DCLRE1A: variants seen among roughly 807,000 people sequenced by gnomAD.
DCLRE1A encodes DNA cross-link repair 1A protein.
A neutral mutation model predicts 91.9 loss-of-function variants in DCLRE1A; 64 were observed. The observed-to-expected ratio is 0.70, with a 90% CI of 0.57 to 0.86. The LOEUF (loss-of-function observed/expected upper bound fraction) is 0.86. DCLRE1A is among the 40% of genes least tolerant of loss of function. The pLI, the probability that DCLRE1A is intolerant of heterozygous loss-of-function variation, is 0.00. For missense variants in DCLRE1A, 1,145 were observed against 1,213.3 expected, an observed-to-expected ratio of 0.94 and a Z score of 0.84; for synonymous variants, 416 against 431.1, an observed-to-expected ratio of 0.96 and a Z score of 0.43.
At position 113,852,806 on chromosome 10, in the gene DCLRE1A, T is replaced by G. The variant is rs1287154673; in HGVS notation, c.377A>C (p.Gln126Pro). Residue 126 changes from glutamine (Q) to proline (P), a missense_variant, in exon 1 of 9, where the codon CAG (glutamine) becomes CCG (proline). Coordinates refer to ENST00000361384, the MANE Select transcript of DCLRE1A (RefSeq NM_014881.5). ...PVYDGYCPNC[Q>P]MPFSSLIGQT... ...CCCTATCAATGAGGAAAAAGGCATC[T>G]GGCAATTTGGACAGTATCCATCATA... The G allele has an allele frequency of 6.2e-7, 1 of 1,614,228 alleles. No individual in the cohort carries two copies. Among genetic ancestry groups the G allele is most frequent in the East Asian group, 2.2e-5 (1 of 44,886 alleles).
chr10:113,844,042 A>G, intron 5 of DCLRE1A, 62 bp downstream of exon 5: 4 of 1,596,524 alleles, frequency 2.5e-6, no homozygotes, highest in South Asian at 1.1e-5. Flanking sequence ...TTTGATAACC[A>G]TAATACAGAG....
rs188850383 is a variant in DCLRE1A, at chr10:113,840,391, A to G, written c.2820+1015T>C. On this transcript the variant is annotated intron_variant, in intron 7 of 8. Coordinates refer to ENST00000361384, the MANE Select transcript of DCLRE1A (RefSeq NM_014881.5). The stretch of plus-strand genomic sequence containing the variant: ...GGATTTGTAAATATATGCTGTCTAC[A>G]AGAAGGCCATATGCATCAGAACGCA... Among the ~76,000 whole-genome samples, 689 of 152,304 alleles carry G rather than the reference A, an allele frequency of 4.5e-3. 3 individuals are homozygous for G. Among genetic ancestry groups the G allele is most frequent in the African/African-American group, 0.015 (638 of 41,560 alleles).
At position 113,849,061 on chromosome 10, in the gene DCLRE1A, T is replaced by C; in HGVS notation, c.2044A>G (p.Arg682Gly). Reference protein sequence around the residue: ...FTKSAHGGLQRGNKKIPESSN... With the variant: ...FTKSAHGGLQGGNKKIPESSN... The stretch of plus-strand genomic sequence containing the variant: ...GACTCTGGGATTTTCTTGTTGCCCC[T>C]TTGCAGCCCACCATGAGCTGATTTT... Residue 682 changes from arginine to glycine, a missense_variant, in exon 2 of 9, where the codon AGG becomes GGG. Coordinates refer to ENST00000361384, the MANE Select transcript of DCLRE1A (RefSeq NM_014881.5). 6.2e-7 allele frequency: 1 copy of C among 1,614,188 alleles called. No individual in the cohort carries two copies. The highest frequency in any genetic ancestry group is 8.5e-7 in the Non-Finnish European group (1 of 1,180,020).
intron 7 of DCLRE1A, among the ~76,000 whole-genome samples, chr10:113,837,503 AAAAAC>A (rs906089598): frequency 6.6e-6 from 1 of 152,218 alleles, no homozygotes; most frequent in African/African-American, 2.4e-5. Flanking sequence ...TACCAAAAAC[AAAAAC>A]AAAACTACTC....
intron 7 of DCLRE1A, 95 bp from the exon 8 acceptor site, chr10:113,837,298 G>GC: frequency 8.3e-7 from 1 of 1,202,706 alleles, no homozygotes; most frequent in South Asian, 2.4e-5. Flanking sequence ...CAGGCATGGG[G>GC]AGTTTTCATT....
At chr10:113,852,039 A>G (rs1055958628) in intron 1 of DCLRE1A, among the ~76,000 whole-genome samples, 2 of 151,452 alleles carry the variant, frequency 1.3e-5, no homozygotes, top group African/African-American at 4.9e-5. Context: ...GGAGTTCCAT[A>G]ATAACCACCA....
Position 113,851,948 on chromosome 10 carries a change from G to A in DCLRE1A, c.460+775C>T, listed in dbSNP as rs563574649. ...GCTGGTCTTGAATTCCTAGGCTCAAGTGATCCGCCTGCCTCCACCTCCCAA... is the reference window on the plus strand; with the variant it reads ...GCTGGTCTTGAATTCCTAGGCTCAAATGATCCGCCTGCCTCCACCTCCCAA... On this transcript the variant is annotated intron_variant, in intron 1 of 8. Transcript: ENST00000361384. 3.9e-5 allele frequency among the ~76,000 whole-genome samples: 6 copies of A among 152,250 alleles called. No homozygotes were observed. In the East Asian group the frequency reaches 1.2e-3, roughly 30 times the overall value.
rs146464533 is a variant in DCLRE1A, at chr10:113,839,497, G to A, written c.2820+1909C>T. 3.3e-5 allele frequency among the ~76,000 whole-genome samples: 5 copies of A among 151,974 alleles called. No individual in the cohort carries two copies. The East Asian group carries it at 9.6e-4, about 29-fold the overall frequency. On this transcript the variant is annotated intron_variant, in intron 7 of 8. Coordinates refer to ENST00000361384, the MANE Select transcript of DCLRE1A (RefSeq NM_014881.5). ...TTAAATACATATTTCCATTATCATT[G>A]CTAGAATGTTTAATAAACAAATATT...
chr10:113,849,133 T>C lies in DCLRE1A; in HGVS notation c.1972A>G (p.Asn658Asp), dbSNP rs1845593894. The C allele has an allele frequency of 3.1e-6, 5 of 1,614,142 alleles. No homozygotes were observed. The East Asian group carries it at 1.1e-4, about 36-fold the overall frequency. Residue 658 changes from asparagine to aspartate, a missense_variant, in exon 2 of 9, where the codon AAT (asparagine) becomes GAT (aspartate). Asn to Asp is a conservative substitution (Grantham distance 23). Coordinates refer to ENST00000361384, the MANE Select transcript of DCLRE1A (RefSeq NM_014881.5). ...AAATTGACTGCTTCAGATTCTGTATTAATAAGGTGATCTGATCTCTTCTGA... is the reference window on the plus strand; with the variant it reads ...AAATTGACTGCTTCAGATTCTGTATCAATAAGGTGATCTGATCTCTTCTGA... ...ACQKRSDHLI[N>D]TESEAVNLSK... is the part of the protein sequence containing the mutation.
At chr10:113,838,057 C>G (rs1845390628) in intron 7 of DCLRE1A, among the ~76,000 whole-genome samples, 1 of 151,984 alleles carries the variant, frequency 6.6e-6, no homozygotes, top group African/African-American at 2.4e-5. Flanking sequence ...CAAATAAGAG[C>G]CTTTTATTAA....
intron 5 of DCLRE1A, 149 bp from the exon 6 acceptor site, chr10:113,842,637 T>C (rs988265705): frequency 5.2e-6 from 3 of 578,144 alleles, no homozygotes; most frequent in Non-Finnish European, 8.3e-6. Context: ...CTGCCTGTGG[T>C]TGGAATTATT....
chr10:113,844,425 A>G (rs531051031), intron 4 of DCLRE1A, among the ~76,000 whole-genome samples, 181 bp from the exon 5 acceptor site: 1 of 152,248 alleles, frequency 6.6e-6, no homozygotes. Context: ...ACTGGTGTGC[A>G]GGAAAGGCAG....
Position 113,847,352 on chromosome 10 carries a change from G to T in DCLRE1A, c.2126-17C>A. ...AGCCGGTTCCTGCAATAAAAATACC[G>T]ACACAGTAGGTTGAGCAAGAGCTAA... On this transcript the variant is annotated splice_polypyrimidine_tract_variant and intron_variant, in intron 2 of 8. Coordinates refer to ENST00000361384, the MANE Select transcript of DCLRE1A (RefSeq NM_014881.5). 6.2e-7 allele frequency: 1 copy of T among 1,612,752 alleles called. No homozygotes were observed. Among genetic ancestry groups the T allele is most frequent in the Non-Finnish European group, 8.5e-7 (1 of 1,179,178 alleles).
intron 7 of DCLRE1A, among the ~76,000 whole-genome samples, chr10:113,839,643 T>C (rs1184936828): frequency 6.6e-6 from 1 of 152,160 alleles, no homozygotes; most frequent in African/African-American, 2.4e-5. Flanking sequence ...CATAGTTGCT[T>C]GGGTCAGTGT....
At position 113,842,365 on chromosome 10, in the gene DCLRE1A, A is replaced by G; in HGVS notation, c.2643T>C (p.Ile881=). 2.5e-6 allele frequency: 4 copies of G among 1,613,602 alleles called. No individual in the cohort carries two copies. Among genetic ancestry groups the G allele is most frequent in the Non-Finnish European group, 3.4e-6 (4 of 1,179,624 alleles). ...CACCTAGGAAGACTTTCTCTTTTCCAATAGAGTAAGTGCCACAGACAACAA... is the reference window on the plus strand; with the variant it reads ...CACCTAGGAAGACTTTCTCTTTTCCGATAGAGTAAGTGCCACAGACAACAA... ...HALVVCGTYS[I]GKEKVFLAIA... The change falls in exon 6 of 9, where the codon ATT becomes ATC. Residue 881 remains isoleucine (I), a synonymous_variant. Coordinates refer to ENST00000361384, the MANE Select transcript of DCLRE1A (RefSeq NM_014881.5).
intron 2 of DCLRE1A, among the ~76,000 whole-genome samples, chr10:113,848,577 C>G (rs1845580777): frequency 6.6e-6 from 1 of 152,158 alleles, no homozygotes; most frequent in Non-Finnish European, 1.5e-5. Context: ...AAACCTGTGA[C>G]ATTTCCCATC....
In DCLRE1A at chr10:113,850,121, GCTTTCGGT is replaced by G. The variant is rs756947408; in HGVS notation, c.976_983del (p.Thr326LeufsTer10). The stretch of plus-strand genomic sequence containing the variant: ...CTTCTTCGAGGCTGCCATCTTTTGA[GCTTTCGGT>G]AAAAAACAGTTGTTCTTGTGAATCA... On this transcript the variant is annotated frameshift_variant, in exon 2 of 9. Transcript: ENST00000361384. LOFTEE classifies it high-confidence loss of function. 2 of 1,613,986 alleles carry G rather than the reference GCTTTCGGT, an allele frequency of 1.2e-6. No homozygotes were observed. The highest frequency in any genetic ancestry group is 2.2e-5 in the South Asian group (2 of 91,080).
intron 7 of DCLRE1A, among the ~76,000 whole-genome samples, chr10:113,838,672 G>A (rs967379566): frequency 2.0e-5 from 3 of 152,158 alleles, no homozygotes; most frequent in Admixed American, 2.0e-4. Flanking sequence ...TTGGTAACCA[G>A]TTTGGGAGAA....
chr10:113,843,139 ACTAT>A (rs748629561), intron 5 of DCLRE1A, among the ~76,000 whole-genome samples: 2 of 151,770 alleles, frequency 1.3e-5, no homozygotes, highest in African/African-American at 4.8e-5. Flanking sequence ...AAATTAAGCT[ACTAT>A]CTATCTATCT....
Sources: allele counts gnomAD v4.1 joint callset (sites outside exome capture counted in the v4.1 genomes callset), GRCh38; gene constraint gnomAD v4.1.1; transcripts MANE v1.5; gene names NCBI Gene and HGNC (gene_info 2026-07-23, HGNC 2026-07-21).